FGD6: variants seen among roughly 807,000 people sequenced by gnomAD.
The protein encoded by FGD6 is FYVE, RhoGEF and PH domain containing 6.
A neutral mutation model predicts 149.4 loss-of-function variants in FGD6; 90 were observed. That is an observed-to-expected ratio of 0.60 (90% CI 0.51 to 0.72). The LOEUF is 0.72. FGD6 is among the 30% of genes least tolerant of loss of function. The probability of loss-of-function intolerance (pLI) is 0.00; values close to 1 mark genes in which losing one functional copy is unlikely to be tolerated. For missense variants in FGD6, 1,437 were observed against 1,684.8 expected (o/e 0.85, Z 2.57); for synonymous variants, 527 against 584.0 (o/e 0.90, Z 1.41).
chr12:95,172,877 C>T, intron 2 of FGD6, 133 bp from the exon 3 acceptor site: 1 of 686,140 alleles, frequency 1.5e-6, no homozygotes, highest in Non-Finnish European at 2.2e-6. Context: ...ATGAAAAGAC[C>T]CAGATCAGCC....
intron 1 of FGD6, among the ~76,000 whole-genome samples, chr12:95,215,939 T>C (rs2056758187): frequency 6.6e-6 from 1 of 152,242 alleles, no homozygotes; most frequent in Non-Finnish European, 1.5e-5. Flanking sequence ...AATCAATTTC[T>C]TGAACGAAGG....
intron 5 of FGD6, among the ~76,000 whole-genome samples, chr12:95,150,413 C>CA (rs11378219): frequency 0.88 from 133,293 of 152,072 alleles, 58,763 homozygotes; most frequent in African/African-American, 0.96. Flanking sequence ...CATCAGAGAG[C>CA]AATAAGACAA....
At chr12:95,122,554 G>C (rs1029870786) in intron 8 of FGD6, among the ~76,000 whole-genome samples, 1 of 141,952 alleles carries the variant, frequency 7.0e-6, no homozygotes, top group Non-Finnish European at 1.5e-5. Flanking sequence ...GCTCAGGTGC[G>C]AGAACTGCTT....
intron 8 of FGD6, among the ~76,000 whole-genome samples, chr12:95,114,264 T>G (rs1878933498): frequency 6.6e-6 from 1 of 152,060 alleles, no homozygotes; most frequent in South Asian, 2.1e-4. Flanking sequence ...CAGTTGTGGT[T>G]GTCATAACTG....
intron 9 of FGD6, among the ~76,000 whole-genome samples, chr12:95,112,778 A>T (rs1291227696): frequency 6.6e-6 from 1 of 152,208 alleles, no homozygotes; most frequent in African/African-American, 2.4e-5. Context: ...CAATTATCCC[A>T]CTAGCTATGA....
At chr12:95,146,597 G>A (rs117500433) in intron 5 of FGD6, among the ~76,000 whole-genome samples, 38 of 152,180 alleles carry the variant, frequency 2.5e-4, no homozygotes, top group East Asian at 7.7e-4. Context: ...CAAGTACCTC[G>A]ACTTCATCCT....
intron 2 of FGD6, among the ~76,000 whole-genome samples, chr12:95,183,659 G>T (rs1881346272): frequency 6.6e-6 from 1 of 152,144 alleles, no homozygotes; most frequent in South Asian, 2.1e-4. Flanking sequence ...GGCAACACAT[G>T]GAGATCCCAT....
At chr12:95,138,205 AAAATAAATAAATAAAT>A (rs35510034) in intron 6 of FGD6, among the ~76,000 whole-genome samples, 5 of 135,966 alleles carry the variant, frequency 3.7e-5, no homozygotes, top group East Asian at 4.2e-4. Flanking sequence ...TTCTGTCTCA[AAAATAAATAAATAAAT>A]AAATAAATAA....
Position 95,112,548 on chromosome 12 carries a change from C to T in FGD6, c.3133+1103G>A, listed in dbSNP as rs141586722. 5.5e-3 allele frequency among the ~76,000 whole-genome samples: 832 copies of T among 152,004 alleles called. 41 individuals are homozygous for T. In the East Asian group the frequency reaches 0.14, roughly 25 times the overall value. ...CCAGGAGGCAGAGGTTGCAGTGAGC[C>T]GATATCGTGCCACTGCACTCCAGCC... On this transcript the variant is annotated intron_variant, in intron 9 of 20. Coordinates refer to ENST00000343958, the MANE Select transcript of FGD6 (RefSeq NM_018351.4).
chr12:95,211,499 C>T (rs1378419308), intron 1 of FGD6, among the ~76,000 whole-genome samples: 2 of 151,116 alleles, frequency 1.3e-5, no homozygotes, highest in Admixed American at 1.3e-4. Context: ...CAGTTTGTTT[C>T]TCCAGCTTTG....
In FGD6 at chr12:95,148,616, T is replaced by C. The variant is rs1380231474; in HGVS notation, c.2685+4195A>G. On this transcript the variant is annotated intron_variant, in intron 5 of 20. Transcript: ENST00000343958. ...ATAATACATAGCATGTTATATATATTATATAATACATAGCATATGTTATAT... is the reference window on the plus strand; with the variant it reads ...ATAATACATAGCATGTTATATATATCATATAATACATAGCATATGTTATAT... 1.6e-4 allele frequency among the ~76,000 whole-genome samples: 21 copies of C among 130,384 alleles called. No homozygotes were observed. In the East Asian group the frequency reaches 4.4e-3, roughly 27 times the overall value. The allele number at this position is 130,384 out of a possible 152,430, so 85.5% of individuals were successfully genotyped here.
At chr12:95,183,620 T>C (rs1369219621) in intron 2 of FGD6, among the ~76,000 whole-genome samples, 1 of 152,082 alleles carries the variant, frequency 6.6e-6, no homozygotes, top group Non-Finnish European at 1.5e-5. Flanking sequence ...AGGAGGATCA[T>C]TTGAACCCAG....
chr12:95,083,010 A>ATAT (rs869151967), intron 20 of FGD6, among the ~76,000 whole-genome samples: 17 of 26,942 alleles, frequency 6.3e-4, no homozygotes, highest in South Asian at 1.8e-3. Flanking sequence ...AAAAAAAAAA[A>ATAT]AAATATATAT....
chr12:95,116,982 C>A, intron 8 of FGD6: 1 of 451,404 alleles, frequency 2.2e-6, no homozygotes, highest in South Asian at 1.6e-5. Flanking sequence ...CTGTTATAAC[C>A]CAGGTGAAAC....
intron 2 of FGD6, among the ~76,000 whole-genome samples, chr12:95,193,995 G>A (rs964361092): frequency 6.6e-6 from 1 of 151,922 alleles, no homozygotes; most frequent in South Asian, 2.1e-4. Context: ...ATGCAGTGGC[G>A]TGATTACAGC....
chr12:95,142,732 T>C (rs545096252), intron 5 of FGD6, among the ~76,000 whole-genome samples: 1 of 152,362 alleles, frequency 6.6e-6, no homozygotes, highest in Non-Finnish European at 1.5e-5. Context: ...TTTTTTGCAA[T>C]GCAGTTGGCA....
At chr12:95,135,274 G>A (rs1480812168) in intron 7 of FGD6, among the ~76,000 whole-genome samples, 2 of 152,186 alleles carry the variant, frequency 1.3e-5, no homozygotes, top group East Asian at 3.9e-4. Context: ...GAGCCTTGTG[G>A]TCAATATAGT....
chr12:95,095,511 G>T (rs1878204157), intron 14 of FGD6, among the ~76,000 whole-genome samples: 1 of 151,796 alleles, frequency 6.6e-6, no homozygotes, highest in Non-Finnish European at 1.5e-5. Context: ...CACATGTTAG[G>T]TATTATAAAT....
At chr12:95,126,679 C>T (rs1377746400) in intron 8 of FGD6, among the ~76,000 whole-genome samples, 1 of 149,044 alleles carries the variant, frequency 6.7e-6, no homozygotes, top group African/African-American at 2.5e-5. Flanking sequence ...TGTAGTGAGC[C>T]GAGATCACAC....
Sources: allele counts gnomAD v4.1 joint callset (sites outside exome capture counted in the v4.1 genomes callset), GRCh38; gene constraint gnomAD v4.1.1; transcripts MANE v1.5; gene names NCBI Gene and HGNC (gene_info 2026-07-23, HGNC 2026-07-21).